The following C11orf65 variants were observed in gnomAD, a reference collection of about 807,000 sequenced individuals.
The protein encoded by C11orf65 is chromosome 11 open reading frame 65, also known as protein MFI.
C11orf65 carries 38 observed loss-of-function variants against 35.3 expected under a neutral mutation model. The ratio of observed to expected loss-of-function variants is 1.08; its 90% CI spans 0.83 to 1.41. The LOEUF is 1.41. Among genes scored for constraint, C11orf65 ranks in the 40% most tolerant of loss-of-function variants. The pLI, the probability that C11orf65 is intolerant of heterozygous loss-of-function variation, is 0.00. For missense variants in C11orf65, 370 were observed against 367.1 expected (o/e 1.01, Z -0.06); for synonymous variants, 105 against 114.4 (o/e 0.92, Z 0.53).
At chr11:108,329,550 G>T (rs1353446347), downstream of C11orf65, among the ~76,000 whole-genome samples, 1 of 152,016 alleles carries the variant, frequency 6.6e-6, no homozygotes, top group African/African-American at 2.4e-5. Context: ...AATAGCTGGG[G>T]CTACAGGTGC....
rs867086885 is a variant in C11orf65 at position 108,432,320 on chromosome 11, G to A, written c.82-482C>T. On this transcript the variant is annotated intron_variant, in intron 2 of 8. Coordinates refer to ENST00000393084, the MANE Select transcript of C11orf65 (RefSeq NM_152587.5). ...CATACAGCTTTGGTGAGAAATACATGAATTAATATTTGTAGAGCATGTAAA... is the reference window on the plus strand; with the variant it reads ...CATACAGCTTTGGTGAGAAATACATAAATTAATATTTGTAGAGCATGTAAA... 3.3e-5 allele frequency among the ~76,000 whole-genome samples: 5 copies of A among 152,252 alleles called. No individual in the cohort carries two copies. In the Middle Eastern group the frequency reaches 0.01, roughly 311 times the overall value.
chr11:108,377,907 G>A (rs367642923), downstream of C11orf65, among the ~76,000 whole-genome samples: 12 of 151,626 alleles, frequency 7.9e-5, no homozygotes, highest in Admixed American at 3.9e-4. Flanking sequence ...TAAAATACCT[G>A]GGAATCCAAC....
At chr11:108,418,701 C>A (rs1343772792) in intron 3 of C11orf65, among the ~76,000 whole-genome samples, 1 of 151,372 alleles carries the variant, frequency 6.6e-6, no homozygotes, top group African/African-American at 2.4e-5. Context: ...AAAGAAACAA[C>A]AAAGCTAAAA....
intron 2 of C11orf65, chr11:108,366,767 T>C (rs2091354445): frequency 4.3e-6 from 1 of 230,624 alleles, no homozygotes; most frequent in African/African-American, 2.2e-5. Flanking sequence ...GAATATTTGA[T>C]TGATGCCTTT....
At chr11:108,339,767 TAGAG>T (rs2087298685) in intron 2 of C11orf65, among the ~76,000 whole-genome samples, 1 of 152,030 alleles carries the variant, frequency 6.6e-6, no homozygotes, top group African/African-American at 2.4e-5. Flanking sequence ...TAGATATTGA[TAGAG>T]AGTAATCAAT....
At chr11:108,408,754 T>C (rs1215686096) in intron 3 of C11orf65, among the ~76,000 whole-genome samples, 4 of 128,988 alleles carry the variant, frequency 3.1e-5, no homozygotes, top group African/African-American at 8.3e-5. Flanking sequence ...TTGTATATAA[T>C]AGGTTTTCTA....
Position 108,455,538 on chromosome 11 carries a change from C to A in C11orf65, c.81+5941G>T, listed in dbSNP as rs147405852. Among the ~76,000 whole-genome samples the A allele has an allele frequency of 6.8e-3, 1,033 of 152,174 alleles. 16 individuals carry two copies. The highest frequency in any genetic ancestry group is 0.023 in the African/African-American group (956 of 41,526). On this transcript the variant is annotated intron_variant, in intron 2 of 8. Coordinates refer to ENST00000393084, the MANE Select transcript of C11orf65 (RefSeq NM_152587.5). ...GAATTTATAAAAAAGCAATTAGAGGCCAGGCACAGTGGCTCATGCCTGTAA... is the reference window on the plus strand; with the variant it reads ...GAATTTATAAAAAAGCAATTAGAGGACAGGCACAGTGGCTCATGCCTGTAA...
downstream of C11orf65, among the ~76,000 whole-genome samples, chr11:108,329,697 C>G (rs2086057780): frequency 6.6e-6 from 1 of 152,220 alleles, no homozygotes; most frequent in South Asian, 2.1e-4. Context: ...AGGTGTGAGG[C>G]ACTGTGCCCT....
chr11:108,461,502 G>A lies in C11orf65; in HGVS notation c.58C>T (p.Gln20Ter), dbSNP rs149955947. The change falls in exon 2 of 9, where the codon CAG (glutamine) becomes TAG (stop). Residue 20 changes from glutamine to a stop codon, truncating the protein, a stop_gained. Transcript: ENST00000393084. LOFTEE classifies it high-confidence loss of function. ...TKQDKAARVI[Q>*]QAWKSFLNVA... Reference sequence around the variant, plus strand: ...ACAAGGAAACTTTTCCAGGCCTGCTGAATGACTCTGGCAGCCTTATCCTGC... The same window carrying A: ...ACAAGGAAACTTTTCCAGGCCTGCTAAATGACTCTGGCAGCCTTATCCTGC... 57 of 1,609,818 alleles carry A rather than the reference G, an allele frequency of 3.5e-5. No homozygotes were observed. The highest frequency in any genetic ancestry group is 4.6e-5 in the Non-Finnish European group (54 of 1,178,100).
intron 6 of C11orf65, among the ~76,000 whole-genome samples, chr11:108,319,276 G>A (rs2085012705): frequency 6.6e-6 from 1 of 152,110 alleles, no homozygotes; most frequent in African/African-American, 2.4e-5. Flanking sequence ...CTTTTCCTGT[G>A]CGAGTTGATT....
At chr11:108,321,916 A>G (rs974042202) in intron 6 of C11orf65, among the ~76,000 whole-genome samples, 1 of 152,288 alleles carries the variant, frequency 6.6e-6, no homozygotes, top group East Asian at 1.9e-4. Context: ...TAAAAATTTA[A>G]GTTTTAAAAA....
downstream of C11orf65, among the ~76,000 whole-genome samples, chr11:108,378,601 C>G (rs2091789285): frequency 7.8e-6 from 1 of 127,546 alleles, no homozygotes; most frequent in Non-Finnish European, 1.6e-5. Flanking sequence ...ACACCAAAAG[C>G]AATGGCAACA....
chr11:108,390,374 T>C (rs1591444638), intron 7 of C11orf65, among the ~76,000 whole-genome samples: 1 of 152,206 alleles, frequency 6.6e-6, no homozygotes, highest in East Asian at 1.9e-4. Context: ...TACTATCACT[T>C]AGCGGATGAT....
intron 2 of C11orf65, among the ~76,000 whole-genome samples, chr11:108,370,617 G>T (rs58904260): frequency 0.14 from 20,028 of 140,554 alleles, 1,676 homozygotes; most frequent in Non-Finnish European, 0.18. Flanking sequence ...GCAGGGTTTT[G>T]TTTTGTTTTT....
chr11:108,393,222 T>C lies in C11orf65; in HGVS notation c.717A>G (p.Thr239=), dbSNP rs200411013. 1.4e-4 allele frequency: 227 copies of C among 1,613,560 alleles called. No homozygotes were observed. The Admixed American group carries it at 3.7e-3, about 26-fold the overall frequency. The part of the protein sequence containing the change: ...EVDEVLNWTN[T]LNFDEYIASW... The stretch of plus-strand genomic sequence containing the variant: ...CATGTACTTACTCATCAAAGTTCAG[T>C]GTATTTGTCCAGTTCAGCACTTCAT... Residue 239 remains threonine, a synonymous_variant, in exon 7 of 9, where the codon ACA becomes ACG. Coordinates refer to ENST00000393084, the MANE Select transcript of C11orf65 (RefSeq NM_152587.5).
intron 1 of C11orf65, among the ~76,000 whole-genome samples, chr11:108,463,923 A>ATT (rs2093501358): frequency 7.7e-6 from 1 of 130,688 alleles, no homozygotes; most frequent in South Asian, 2.4e-4. Context: ...AAGATTTGTT[A>ATT]ATTTTTTTTT....
chr11:108,448,499 T>C (rs1479590561), intron 2 of C11orf65, among the ~76,000 whole-genome samples: 1 of 152,214 alleles, frequency 6.6e-6, no homozygotes, highest in African/African-American at 2.4e-5. Flanking sequence ...TGAATAAATG[T>C]AATCCAGCAT....
At chr11:108,313,943 G>A (rs1281294404) in intron 6 of C11orf65, among the ~76,000 whole-genome samples, 1 of 151,578 alleles carries the variant, frequency 6.6e-6, no homozygotes, top group Non-Finnish European at 1.5e-5. Context: ...TATCTTTTCT[G>A]TGTAAATTTT....
At chr11:108,433,578 T>TCAAAACAAAACAAAACAAAACAAAA (rs140429504) in intron 2 of C11orf65, among the ~76,000 whole-genome samples, 1 of 148,794 alleles carries the variant, frequency 6.7e-6, no homozygotes. Flanking sequence ...AGACTCCGTC[T>TCAAAACAAAACAAAACAAAACAAAA]CAAAACAAAA....
Sources: gnomAD v4.1 joint callset for allele counts (sites outside exome capture counted in the v4.1 genomes callset) on GRCh38, gnomAD v4.1.1 for gene constraint, MANE v1.5 for transcripts, NCBI Gene and HGNC (gene_info 2026-07-23, HGNC 2026-07-21) for gene names.